FOXP1: variants seen among roughly 807,000 people sequenced by gnomAD.
FOXP1 encodes the protein forkhead box protein P1.
FOXP1 carries 15 observed loss-of-function variants against 98.2 expected under a neutral mutation model. The observed-to-expected ratio is 0.15, with a 90% CI of 0.10 to 0.24. The LOEUF is 0.24. Among genes scored for constraint, FOXP1 ranks in the 10% least tolerant of loss-of-function variants. The pLI is 1.00. For synonymous variants in FOXP1, 371 were observed against 314.5 expected (o/e 1.18, Z -1.90); for missense variants, 633 against 848.5 (o/e 0.75, Z 3.15).
intron 6 of FOXP1, among the ~76,000 whole-genome samples, chr3:71,125,005 C>A (rs919066766): frequency 5.3e-5 from 8 of 152,204 alleles, no homozygotes; most frequent in South Asian, 2.1e-4. Flanking sequence ...GGTTTATCTG[C>A]AGTTACACAG....
At chr3:71,313,691 A>T (rs1281395021) in intron 4 of FOXP1, among the ~76,000 whole-genome samples, 1 of 151,298 alleles carries the variant, frequency 6.6e-6, no homozygotes, top group African/African-American at 2.4e-5. Context: ...ATGCCCGGCT[A>T]ATTTTTTGTA....
chr3:71,458,235 G>A (rs57767808), intron 3 of FOXP1, among the ~76,000 whole-genome samples: 4,937 of 152,246 alleles, frequency 0.032, 249 homozygotes, highest in African/African-American at 0.11. Context: ...TTATTTTCAT[G>A]TGCTTATGTG....
chr3:71,355,353 T>C (rs1259050563), intron 4 of FOXP1, among the ~76,000 whole-genome samples: 1 of 152,206 alleles, frequency 6.6e-6, no homozygotes, highest in Non-Finnish European at 1.5e-5. Flanking sequence ...GGTGAATTCA[T>C]GAAGGGACAG....
chr3:71,515,329 C>T (rs1016704133), intron 2 of FOXP1, among the ~76,000 whole-genome samples: 1 of 149,076 alleles, frequency 6.7e-6, no homozygotes, highest in Non-Finnish European at 1.5e-5. Context: ...ATTTCCAATG[C>T]CATTTTATTT....
intron 3 of FOXP1, among the ~76,000 whole-genome samples, chr3:71,374,806 G>T (rs945244646): frequency 1.3e-5 from 2 of 152,188 alleles, no homozygotes; most frequent in African/African-American, 4.8e-5. Context: ...TGATGTGCTA[G>T]TAAAATAGCT....
At position 71,078,969 on chromosome 3, in the gene FOXP1, C is replaced by A. The variant is rs369319972; in HGVS notation, c.283-25196G>T. Among the ~76,000 whole-genome samples, 398 of 152,262 alleles carry A rather than the reference C, an allele frequency of 2.6e-3. 3 individuals are homozygous for A. Among genetic ancestry groups the A allele is most frequent in the African/African-American group, 9.2e-3 (384 of 41,538 alleles). On this transcript the variant is annotated intron_variant, in intron 7 of 20. Coordinates refer to ENST00000649528, the MANE Select transcript of FOXP1 (RefSeq NM_001349338.3). Reference sequence around the variant, plus strand: ...CATCCCACCAGTGGATGCTATGGAACTCCTGCACTATAACAACTCCCCCAC... The same window carrying A: ...CATCCCACCAGTGGATGCTATGGAAATCCTGCACTATAACAACTCCCCCAC...
chr3:71,487,078 A>T (rs546606328), intron 3 of FOXP1, among the ~76,000 whole-genome samples: 13 of 152,210 alleles, frequency 8.5e-5, no homozygotes, highest in Admixed American at 7.2e-4. Context: ...CTTCCTTGCT[A>T]TGTTAGAGCC....
At chr3:71,533,812 C>T (rs537531008) in intron 2 of FOXP1, among the ~76,000 whole-genome samples, 1 of 152,152 alleles carries the variant, frequency 6.6e-6, no homozygotes, top group East Asian at 1.9e-4. Context: ...CTCCAGAGAG[C>T]TACAAGAAAT....
intron 13 of FOXP1, among the ~76,000 whole-genome samples, chr3:70,988,388 C>A (rs1036200215): frequency 6.6e-6 from 1 of 152,200 alleles, no homozygotes; most frequent in African/African-American, 2.4e-5. Context: ...CAACCTTATT[C>A]ATGAGAAAAG....
chr3:71,197,124 C>G (rs2063347350), intron 6 of FOXP1, among the ~76,000 whole-genome samples: 1 of 152,180 alleles, frequency 6.6e-6, no homozygotes, highest in Non-Finnish European at 1.5e-5. Flanking sequence ...TTCTCTGACA[C>G]AGATTCCAAG....
intron 7 of FOXP1, among the ~76,000 whole-genome samples, chr3:71,105,902 T>C (rs547275930): frequency 6.6e-6 from 1 of 152,338 alleles, no homozygotes; most frequent in South Asian, 2.1e-4. Flanking sequence ...CAGCTGTCTT[T>C]TTTTTGCTTA....
intron 4 of FOXP1, among the ~76,000 whole-genome samples, chr3:71,301,562 T>C (rs1001671156): frequency 6.6e-6 from 1 of 152,332 alleles, no homozygotes; most frequent in African/African-American, 2.4e-5. Context: ...TGTTCTCCAA[T>C]ACATGCACTG....
At chr3:71,012,202 A>G (rs1299636387) in intron 12 of FOXP1, among the ~76,000 whole-genome samples, 1 of 152,234 alleles carries the variant, frequency 6.6e-6, no homozygotes, top group African/African-American at 2.4e-5. Context: ...GCCATTCTAC[A>G]GATGGAAGAA....
chr3:71,248,198 C>A (rs894016919), intron 5 of FOXP1, among the ~76,000 whole-genome samples: 1 of 152,196 alleles, frequency 6.6e-6, no homozygotes, highest in Non-Finnish European at 1.5e-5. Flanking sequence ...AGATAGTGTT[C>A]TATATGTAGC....
chr3:71,316,660 CTT>C (rs1261668332), intron 4 of FOXP1, among the ~76,000 whole-genome samples: 26 of 139,620 alleles, frequency 1.9e-4, no homozygotes, highest in Admixed American at 1.4e-4. Context: ...AGGGCATATT[CTT>C]TTTTTTTTTT....
At chr3:71,166,312 C>T (rs1440714510) in intron 6 of FOXP1, among the ~76,000 whole-genome samples, 1 of 152,140 alleles carries the variant, frequency 6.6e-6, no homozygotes, top group Non-Finnish European at 1.5e-5. Flanking sequence ...GCTAGCGTGA[C>T]CATCACAGAG....
chr3:71,138,180 G>C (rs1353310180), intron 6 of FOXP1, among the ~76,000 whole-genome samples: 1 of 152,174 alleles, frequency 6.6e-6, no homozygotes, highest in East Asian at 1.9e-4. Context: ...TGGTGACGCT[G>C]TCTGGAGAAC....
At chr3:71,193,314 A>AT (rs571863905) in intron 6 of FOXP1, among the ~76,000 whole-genome samples, 2,255 of 125,088 alleles carry the variant, frequency 0.018, 633 homozygotes, top group African/African-American at 0.076. Context: ...CACCCGGCTA[A>AT]TTTTTTGTAT....
intron 2 of FOXP1, among the ~76,000 whole-genome samples, chr3:71,522,186 G>C (rs929742297): frequency 6.6e-6 from 1 of 152,256 alleles, no homozygotes; most frequent in African/African-American, 2.4e-5. Flanking sequence ...GCTCCCTGTG[G>C]GCAGCTGCCC....
Sources: allele counts gnomAD v4.1 joint callset (sites outside exome capture counted in the v4.1 genomes callset), GRCh38; gene constraint gnomAD v4.1.1; transcripts MANE v1.5; gene names NCBI Gene and HGNC (gene_info 2026-07-23, HGNC 2026-07-21).